The following PTPRD variants were observed in gnomAD, a reference collection of about 807,000 sequenced individuals.
PTPRD encodes the protein protein tyrosine phosphatase receptor type D, also known as receptor-type tyrosine-protein phosphatase delta.
A neutral mutation model predicts 214.5 loss-of-function variants in PTPRD; 34 were observed. The observed-to-expected ratio is 0.16, with a 90% CI of 0.12 to 0.21. The LOEUF is 0.21. PTPRD is among the 10% of genes least tolerant of loss of function. The pLI, the probability that PTPRD is intolerant of heterozygous loss-of-function variation, is 1.00. For synonymous variants in PTPRD, 1,128 were observed against 845.7 expected, an observed-to-expected ratio of 1.33 and a Z score of -5.79; for missense variants, 2,545 against 2,398.7, an observed-to-expected ratio of 1.06 and a Z score of -1.27.
intron 10 of PTPRD, among the ~76,000 whole-genome samples, chr9:9,165,270 G>C (rs933909707): frequency 2.6e-5 from 4 of 152,150 alleles, no homozygotes; most frequent in Admixed American, 2.0e-4. Flanking sequence ...TTTGAAATAA[G>C]TATGCACATT....
intron 7 of PTPRD, among the ~76,000 whole-genome samples, chr9:9,634,217 A>G (rs1033660859): frequency 2.0e-5 from 3 of 152,110 alleles, no homozygotes; most frequent in Non-Finnish European, 4.4e-5. Context: ...TGTATCAAAA[A>G]CGTTGGTGGA....
chr9:8,465,336 G>C, intron 32 of PTPRD, 130 bp downstream of exon 32: 2 of 794,234 alleles, frequency 2.5e-6, no homozygotes, highest in East Asian at 5.2e-5. Context: ...TAGGCAGCCT[G>C]TTATTACACT....
chr9:8,640,561 C>CAAAAAAAAAAAAAAAAA (rs201282830), intron 12 of PTPRD, among the ~76,000 whole-genome samples: 2 of 105,452 alleles, frequency 1.9e-5, no homozygotes, highest in Admixed American at 9.7e-5. Flanking sequence ...AACAAAAAAA[C>CAAAAAAAAAAAAAAAAA]AAAAAAAAAA....
intron 7 of PTPRD, among the ~76,000 whole-genome samples, chr9:9,634,930 T>A (rs1212573234): frequency 1.3e-5 from 2 of 152,186 alleles, no homozygotes; most frequent in East Asian, 3.8e-4. Context: ...GTAAGTCATA[T>A]GTGTAAAGCT....
chr9:8,930,712 T>G (rs1323154131), intron 11 of PTPRD, among the ~76,000 whole-genome samples: 9 of 152,240 alleles, frequency 5.9e-5, no homozygotes, highest in Non-Finnish European at 2.9e-5. Context: ...TGATGGCCAG[T>G]GATGATGAGC....
chr9:10,312,588 T>C (rs2096297037), intron 3 of PTPRD, among the ~76,000 whole-genome samples: 1 of 151,952 alleles, frequency 6.6e-6, no homozygotes, highest in Non-Finnish European at 1.5e-5. Flanking sequence ...GATATGAAAA[T>C]AAATGAATGG....
Position 8,314,947 on chromosome 9 carries a change from A to C in PTPRD, c.*2927T>G, listed in dbSNP as rs1230891309. The C allele has an allele frequency of 1.3e-5, 3 of 232,476 alleles. No individual in the cohort carries two copies. Among genetic ancestry groups the C allele is most frequent in the Non-Finnish European group, 2.6e-5 (3 of 117,314 alleles). 14.4% of individuals were successfully genotyped at this position (232,476 alleles called of 1,614,324 possible). A position where few individuals can be genotyped will look rare whatever the true frequency, so the allele number is the denominator to read the frequency against. On this transcript the variant is annotated 3_prime_UTR_variant, in exon 46 of 46. Transcript: ENST00000381196. ...CTAACCATGCAAATCATTTTTAAAA[A>C]AGAGCTAAAATAAAGTTCTGTACAA...
chr9:8,443,895 A>G (rs1044729155), intron 34 of PTPRD, among the ~76,000 whole-genome samples: 3 of 152,168 alleles, frequency 2.0e-5, no homozygotes, highest in Non-Finnish European at 2.9e-5. Context: ...AACACATATT[A>G]GTAATTTGTT....
At chr9:10,309,055 T>C (rs2096183847) in intron 3 of PTPRD, among the ~76,000 whole-genome samples, 1 of 152,058 alleles carries the variant, frequency 6.6e-6, no homozygotes, top group African/African-American at 2.4e-5. Context: ...GTGTATTTTA[T>C]CACCTCACTC....
At chr9:10,375,485 C>T (rs368471654) in intron 2 of PTPRD, among the ~76,000 whole-genome samples, 1 of 151,946 alleles carries the variant, frequency 6.6e-6, no homozygotes, top group African/African-American at 2.4e-5. Flanking sequence ...GAGAAGATAT[C>T]TGAAATGTAT....
chr9:8,457,013 G>C (rs2096232357), intron 33 of PTPRD, among the ~76,000 whole-genome samples: 1 of 152,178 alleles, frequency 6.6e-6, no homozygotes, highest in South Asian at 2.1e-4. Context: ...ATATGTAACA[G>C]ATATACAGAA....
At chr9:8,438,339 A>G (rs900517062) in intron 34 of PTPRD, among the ~76,000 whole-genome samples, 1 of 152,196 alleles carries the variant, frequency 6.6e-6, no homozygotes, top group Non-Finnish European at 1.5e-5. Flanking sequence ...TTTTATGGCT[A>G]TGAAGGTCTG....
chr9:10,190,165 G>C (rs550498270), intron 3 of PTPRD, among the ~76,000 whole-genome samples: 2 of 148,388 alleles, frequency 1.3e-5, no homozygotes, highest in Non-Finnish European at 3.0e-5. Flanking sequence ...TCAGGAGTTC[G>C]AGATCAGCCT....
At chr9:10,062,793 A>AT (rs2097798012) in intron 3 of PTPRD, among the ~76,000 whole-genome samples, 1 of 151,920 alleles carries the variant, frequency 6.6e-6, no homozygotes, top group South Asian at 2.1e-4. Context: ...CCAAAGGCTA[A>AT]TTATGGTTAA....
chr9:9,367,982 T>C (rs1345444357), intron 9 of PTPRD, among the ~76,000 whole-genome samples: 4 of 151,774 alleles, frequency 2.6e-5, no homozygotes, highest in African/African-American at 4.8e-5. Context: ...ATCGTATATG[T>C]TGACGTAAGG....
At chr9:10,387,419 T>C (rs2097938479) in intron 2 of PTPRD, among the ~76,000 whole-genome samples, 1 of 151,774 alleles carries the variant, frequency 6.6e-6, no homozygotes, top group African/African-American at 2.4e-5. Flanking sequence ...TAAGTGAGGA[T>C]TCAGTTATAT....
At chr9:9,249,502 G>C (rs1401635404) in intron 9 of PTPRD, among the ~76,000 whole-genome samples, 1 of 152,068 alleles carries the variant, frequency 6.6e-6, no homozygotes, top group African/African-American at 2.4e-5. Context: ...GACCAAATCA[G>C]AATGTCTGCT....
chr9:10,213,204 G>C (rs2154343056), intron 3 of PTPRD, among the ~76,000 whole-genome samples: 1 of 152,014 alleles, frequency 6.6e-6, no homozygotes, highest in East Asian at 1.9e-4. Flanking sequence ...ATACAGATTT[G>C]TTTTTACTTA....
chr9:8,678,415 C>A (rs763665159), intron 12 of PTPRD, among the ~76,000 whole-genome samples: 10 of 152,116 alleles, frequency 6.6e-5, no homozygotes, highest in Non-Finnish European at 1.3e-4. Context: ...TTTAAAAAAA[C>A]TTTGTCATAA....
Sources: allele counts gnomAD v4.1 joint callset (sites outside exome capture counted in the v4.1 genomes callset), GRCh38; gene constraint gnomAD v4.1.1; transcripts MANE v1.5; gene names NCBI Gene and HGNC (gene_info 2026-07-23, HGNC 2026-07-21).